The following MTHFS variants were observed in gnomAD, a reference collection of about 807,000 sequenced individuals.
The protein encoded by MTHFS is 5-formyltetrahydrofolate cyclo-ligase.
MTHFS carries 7 observed loss-of-function variants against 12.7 expected under a neutral mutation model. The ratio of observed to expected loss-of-function variants is 0.55; its 90% confidence interval spans 0.31 to 1.03. MTHFS has a LOEUF of 1.03. MTHFS is among the 50% of genes least tolerant of loss of function. MTHFS has a pLI of 0.05. For synonymous variants in MTHFS, 100 were observed against 97.1 expected, an observed-to-expected ratio of 1.03 and a Z score of -0.18; for missense variants, 252 against 258.1, an observed-to-expected ratio of 0.98 and a Z score of 0.16.
chr15:79,893,985 C>A (rs1419166141), intron 1 of MTHFS, among the ~76,000 whole-genome samples: 1 of 152,208 alleles, frequency 6.6e-6, no homozygotes, highest in Non-Finnish European at 1.5e-5. Flanking sequence ...TGAGCATTCA[C>A]TATGGCAAAA....
rs555277186 is a variant in MTHFS, at chr15:79,890,986, C to T, written c.118-1632G>A. ...GCAGTAATAAACATCAGTTAACACT[C>T]AATGTGAGACTGTGCATGCATATTT... On this transcript the variant is annotated intron_variant, in intron 1 of 2. Transcript: ENST00000258874. Among the ~76,000 whole-genome samples the T allele has an allele frequency of 4.6e-5, 7 of 152,288 alleles. No homozygotes were observed. In the South Asian group the frequency reaches 8.3e-4, roughly 18 times the overall value.
chr15:79,847,046 A>G (rs2033630642), intron 2 of MTHFS, among the ~76,000 whole-genome samples: 1 of 152,224 alleles, frequency 6.6e-6, no homozygotes, highest in African/African-American at 2.4e-5. Context: ...AAATGCCCCA[A>G]AAGCAACAGG....
intron 2 of MTHFS, among the ~76,000 whole-genome samples, chr15:79,871,802 T>C (rs1200272111): frequency 6.6e-6 from 1 of 152,106 alleles, no homozygotes; most frequent in Non-Finnish European, 1.5e-5. Flanking sequence ...TCAAATGCTA[T>C]TAAAATTAAA....
intron 2 of MTHFS, among the ~76,000 whole-genome samples, chr15:79,882,650 TCA>T (rs1368617875): frequency 6.6e-6 from 1 of 152,196 alleles, no homozygotes; most frequent in Non-Finnish European, 1.5e-5. Flanking sequence ...TAGGTCACCT[TCA>T]CACAGAGAAG....
chr15:79,849,456 G>A (rs937215896), intron 2 of MTHFS, among the ~76,000 whole-genome samples: 19 of 152,108 alleles, frequency 1.2e-4, no homozygotes, highest in African/African-American at 4.3e-4. Context: ...CCTCCTCAAA[G>A]GTGACAGCTC....
chr15:79,889,297 G>A lies in MTHFS; in HGVS notation c.175C>T (p.Gln59Ter). Residue 59 changes from glutamine to a stop codon, truncating the protein, a stop_gained, in exon 2 of 3, where the codon CAA (glutamine) becomes TAA (stop). Coordinates refer to ENST00000258874, the MANE Select transcript of MTHFS (RefSeq NM_006441.4). LOFTEE classifies it high-confidence loss of function. ...SKRISIFLSM[Q>*]DEIETEEIIK... ...ATCTCTTCTGTCTCAATTTCATCTT[G>A]CATGCTCAGAAAGATGGAAATTCTT... is the stretch of plus-strand genomic sequence containing the variant. 4 of 1,614,114 alleles carry A rather than the reference G, an allele frequency of 2.5e-6. No homozygotes were observed. Among genetic ancestry groups the A allele is most frequent in the Non-Finnish European group, 3.4e-6 (4 of 1,180,036 alleles).
chr15:79,856,217 G>C (rs2033798848), intron 2 of MTHFS, among the ~76,000 whole-genome samples: 1 of 152,070 alleles, frequency 6.6e-6, no homozygotes, highest in Admixed American at 6.5e-5. Flanking sequence ...ATTCTGACTG[G>C]TATGAGATGG....
intron 2 of MTHFS, among the ~76,000 whole-genome samples, chr15:79,871,941 G>A (rs1049048002): frequency 2.7e-5 from 4 of 150,922 alleles, no homozygotes; most frequent in African/African-American, 7.3e-5. Context: ...CATCTCTACC[G>A]AAAAAATACA....
chr15:79,849,224 G>A (rs1489105726), intron 2 of MTHFS, among the ~76,000 whole-genome samples: 1 of 152,082 alleles, frequency 6.6e-6, no homozygotes, highest in Non-Finnish European at 1.5e-5. Flanking sequence ...GTTGCTCCTG[G>A]CCTCAGGTCC....
intron 2 of MTHFS, among the ~76,000 whole-genome samples, chr15:79,878,743 G>C (rs1378542371): frequency 6.6e-6 from 1 of 151,688 alleles, no homozygotes; most frequent in African/African-American, 2.4e-5. Context: ...AGAGTCTCCA[G>C]AGCACATTCT....
intron 2 of MTHFS, among the ~76,000 whole-genome samples, chr15:79,884,508 C>T (rs2034349493): frequency 6.6e-6 from 1 of 151,908 alleles, no homozygotes; most frequent in South Asian, 2.1e-4. Context: ...GGCCAGGAAA[C>T]CAATTTAAAG....
Position 79,845,305 on chromosome 15 carries a change from A to C in MTHFS, c.517T>G (p.Leu173Val). The change falls in exon 3 of 3, where the codon TTG (leucine) becomes GTG (valine). Residue 173 changes from leucine (L) to valine (V), a missense_variant. Coordinates refer to ENST00000258874, the MANE Select transcript of MTHFS (RefSeq NM_006441.4). ...AGGCAAATCTGTTCTTTGAAAGCCA[A>C]CGCCAGGGTGTAGGGCTTCACTTCC... Reference protein sequence around the residue: ...HQEVKPYTLALAFKEQICLQV... With the variant: ...HQEVKPYTLAVAFKEQICLQV... 1 of 1,614,108 alleles carries C rather than the reference A, an allele frequency of 6.2e-7. No individual in the cohort carries two copies. Among genetic ancestry groups the C allele is most frequent in the Non-Finnish European group, 8.5e-7 (1 of 1,180,016 alleles).
chr15:79,882,804 C>T (rs2034318489), intron 2 of MTHFS, among the ~76,000 whole-genome samples: 2 of 152,248 alleles, frequency 1.3e-5, no homozygotes. Flanking sequence ...ATTATCACAA[C>T]TCTATGGCTT....
At chr15:79,869,805 C>T (rs895943771) in intron 2 of MTHFS, among the ~76,000 whole-genome samples, 2 of 152,032 alleles carry the variant, frequency 1.3e-5, no homozygotes, top group Non-Finnish European at 2.9e-5. Context: ...ACAGGATAGA[C>T]AGAAGAAGAA....
In MTHFS at chr15:79,889,148, G is replaced by A; in HGVS notation, c.324C>T (p.Ser108=). The part of the protein sequence containing the change: ...PEEISLLPKT[S]WNIPQPGEGD... The stretch of plus-strand genomic sequence containing the variant: ...CCTCACCAGGCTGAGGGATATTCCA[G>A]GATGTTTTGGGAAGTAAAGAAATTT... The change falls in exon 2 of 3, where the codon TCC becomes TCT. Residue 108 remains serine (S), a synonymous_variant. Coordinates refer to ENST00000258874, the MANE Select transcript of MTHFS (RefSeq NM_006441.4). 1 of 1,614,150 alleles carries A rather than the reference G, an allele frequency of 6.2e-7. No individual in the cohort carries two copies. The highest frequency in any genetic ancestry group is 1.7e-5 in the Admixed American group (1 of 60,024).
intron 1 of MTHFS, among the ~76,000 whole-genome samples, chr15:79,892,397 C>T (rs1054039607): frequency 2.0e-5 from 3 of 151,986 alleles, no homozygotes; most frequent in Non-Finnish European, 2.9e-5. Flanking sequence ...ATAAGATAAA[C>T]ACATATTCTT....
chr15:79,896,901 G>T lies in MTHFS; in HGVS notation c.88C>A (p.Leu30Ile). Residue 30 changes from leucine (L) to isoleucine (I), a missense_variant, in exon 1 of 3, where the codon CTA (leucine) becomes ATA (isoleucine). Transcript: ENST00000258874. ...RLRAMSAEER[L>I]RQSRVLSQKV... ...TGGCTCAGTACGCGGGACTGGCGTA[G>T]CCGCTCCTCGGCACTCATCGCCCGC... 1 of 1,542,886 alleles carries T rather than the reference G, an allele frequency of 6.5e-7. No individual in the cohort carries two copies. The highest frequency in any genetic ancestry group is 8.7e-7 in the Non-Finnish European group (1 of 1,146,288).
chr15:79,873,724 G>T (rs533193652), intron 2 of MTHFS, among the ~76,000 whole-genome samples: 15 of 152,272 alleles, frequency 9.9e-5, no homozygotes, highest in African/African-American at 3.6e-4. Flanking sequence ...TACCAATATG[G>T]GGCTGGCTGG....
chr15:79,880,432 C>T (rs12915498), intron 2 of MTHFS, among the ~76,000 whole-genome samples: 44,798 of 151,376 alleles, frequency 0.3, 7,064 homozygotes, highest in Middle Eastern at 0.38. Flanking sequence ...TTGTAGATGA[C>T]GATTAACATA....
Sources: gnomAD v4.1 joint callset for allele counts (sites outside exome capture counted in the v4.1 genomes callset) on GRCh38, gnomAD v4.1.1 for gene constraint, MANE v1.5 for transcripts, NCBI Gene and HGNC (gene_info 2026-07-23, HGNC 2026-07-21) for gene names.